Variants in SEC24A observed in about 807,000 individuals in gnomAD.
The protein encoded by SEC24A is protein transport protein Sec24A.
SEC24A carries 93 observed loss-of-function variants against 129.4 expected under a neutral mutation model. The observed-to-expected ratio is 0.72, with a 90% CI of 0.61 to 0.85. The LOEUF (loss-of-function observed/expected upper bound fraction) is 0.85, where lower values mean the gene tolerates loss of function less well. Ranked by LOEUF, SEC24A falls within the 40% of genes least tolerant of loss-of-function variation. The pLI, the probability that SEC24A is intolerant of heterozygous loss-of-function variation, is 0.00. For synonymous variants in SEC24A, 460 were observed against 467.3 expected (o/e 0.98, Z 0.20); for missense variants, 1,264 against 1,307.4 (o/e 0.97, Z 0.51).
intron 6 of SEC24A, 133 bp from the exon 7 acceptor site, chr5:134,675,890 T>C: frequency 1.8e-6 from 1 of 570,728 alleles, no homozygotes; most frequent in Non-Finnish European, 2.9e-6. Flanking sequence ...GGGATAAAAT[T>C]TTGAGACTCT....
chr5:134,697,359 A>T, intron 14 of SEC24A, 113 bp downstream of exon 14: 1 of 834,228 alleles, frequency 1.2e-6, no homozygotes, highest in Non-Finnish European at 1.9e-6. Context: ...CCCTTGGGAA[A>T]GTTAATCAGT....
intron 2 of SEC24A, among the ~76,000 whole-genome samples, chr5:134,664,792 CTT>C (rs70976552): frequency 1.2e-5 from 1 of 86,204 alleles, no homozygotes; most frequent in East Asian, 3.7e-4. Context: ...TTTTCTTTTT[CTT>C]TTTTTTTTTT....
chr5:134,656,545 G>C (rs1430517963), intron 1 of SEC24A, among the ~76,000 whole-genome samples: 1 of 151,944 alleles, frequency 6.6e-6, no homozygotes, highest in Non-Finnish European at 1.5e-5. Flanking sequence ...GCAGTGGCAC[G>C]ATATCCGCTC....
rs764678540 is a variant in SEC24A at position 134,693,919 on chromosome 5, A to C, written c.1972A>C (p.Arg658=). The part of the protein sequence containing the change: ...ALKPREEPNH[R]SSAKDIHMTP... ...GAAACCACGAGAGGAACCAAACCACAGGTCATCTGCTAAGGTTAGAGAGTC... is the reference window on the plus strand; with the variant it reads ...GAAACCACGAGAGGAACCAAACCACCGGTCATCTGCTAAGGTTAGAGAGTC... Residue 658 remains arginine, a synonymous_variant, in exon 13 of 23, where the codon AGG becomes CGG. Coordinates refer to ENST00000398844, the MANE Select transcript of SEC24A (RefSeq NM_021982.3). The C allele has an allele frequency of 6.2e-7, 1 of 1,613,880 alleles. No individual in the cohort carries two copies. The highest frequency in any genetic ancestry group is 1.1e-5 in the South Asian group (1 of 91,070).
At chr5:134,709,163 A>G (rs975590989) in intron 18 of SEC24A, among the ~76,000 whole-genome samples, 4 of 152,256 alleles carry the variant, frequency 2.6e-5, no homozygotes, top group Admixed American at 2.0e-4. Flanking sequence ...GTGAGCCCAT[A>G]TCGTGCCACT....
intron 18 of SEC24A, among the ~76,000 whole-genome samples, chr5:134,709,726 C>T (rs1473811184): frequency 2.6e-5 from 4 of 152,106 alleles, no homozygotes; most frequent in African/African-American, 9.7e-5. Flanking sequence ...TAAATCATTC[C>T]ACATTGTATA....
At chr5:134,702,623 G>T (rs568484963) in intron 15 of SEC24A, among the ~76,000 whole-genome samples, 1 of 152,058 alleles carries the variant, frequency 6.6e-6, no homozygotes, top group Non-Finnish European at 1.5e-5. Context: ...GTGACATATT[G>T]TATGTATTTT....
intron 1 of SEC24A, among the ~76,000 whole-genome samples, chr5:134,650,329 C>T (rs1040915908): frequency 3.3e-5 from 5 of 152,142 alleles, no homozygotes; most frequent in African/African-American, 1.2e-4. Flanking sequence ...AAAAATGTTA[C>T]ATGGCTATGG....
At chr5:134,676,686 C>G (rs1178707602) in intron 7 of SEC24A, among the ~76,000 whole-genome samples, 1 of 151,970 alleles carries the variant, frequency 6.6e-6, no homozygotes, top group Non-Finnish European at 1.5e-5. Context: ...AGTGATCTGC[C>G]CACCTCCCAA....
At position 134,649,031 on chromosome 5, in the gene SEC24A, T is replaced by G. The variant is rs777955693; in HGVS notation, c.-46T>G. ...AGCAGTGGTCTTTCAGCTCTCTTCT[T>G]GTGCGCTGTTGTCGACCCCGACCAG... is the stretch of plus-strand genomic sequence containing the variant. On this transcript the variant is annotated 5_prime_UTR_variant, in exon 1 of 23. Coordinates refer to ENST00000398844, the MANE Select transcript of SEC24A (RefSeq NM_021982.3). The G allele has an allele frequency of 1.4e-6, 2 of 1,399,454 alleles. No individual in the cohort carries two copies. The highest frequency in any genetic ancestry group is 2.0e-6 in the Non-Finnish European group (2 of 1,000,094). The allele number at this position is 1,399,454 out of a possible 1,614,324, so 86.7% of individuals were successfully genotyped here.
chr5:134,693,517 TAAGGCCC>T (rs1160641118), intron 12 of SEC24A: 1 of 1,422,976 alleles, frequency 7.0e-7, no homozygotes, highest in African/African-American at 1.4e-5. Context: ...GCAAGAACTG[TAAGGCCC>T]AACTTTGATT....
rs182040046 is a variant in SEC24A at position 134,656,165 on chromosome 5, C to T, written c.98-4954C>T. Among the ~76,000 whole-genome samples the T allele has an allele frequency of 7.6e-3, 1,156 of 151,358 alleles. 13 individuals are homozygous for T. Among genetic ancestry groups the T allele is most frequent in the African/African-American group, 0.027 (1,098 of 41,200 alleles). On this transcript the variant is annotated intron_variant, in intron 1 of 22. Coordinates refer to ENST00000398844, the MANE Select transcript of SEC24A (RefSeq NM_021982.3). ...TGGCACGATCTTGGCTCACTGCAAC[C>T]TTTGCCTCCTGGGTTCAAGCGATTC...
chr5:134,720,970 C>T (rs761432892), intron 20 of SEC24A, 28 bp from the exon 21 acceptor site: 3 of 1,337,174 alleles, frequency 2.2e-6, no homozygotes, highest in South Asian at 2.4e-5. Context: ...TATGCTGCAT[C>T]TCAAAATAAT....
At chr5:134,697,060 T>C in intron 13 of SEC24A, 66 bp from the exon 14 acceptor site, 1 of 900,060 alleles carries the variant, frequency 1.1e-6, no homozygotes, top group Non-Finnish European at 1.7e-6. Context: ...TATGTAGATG[T>C]GTATTTAGAT....
At chr5:134,666,481 CG>C (rs1411124463) in intron 2 of SEC24A, among the ~76,000 whole-genome samples, 1 of 151,860 alleles carries the variant, frequency 6.6e-6, no homozygotes, top group Non-Finnish European at 1.5e-5. Context: ...CTCTTGAACC[CG>C]GGAGGTGGAG....
intron 1 of SEC24A, among the ~76,000 whole-genome samples, chr5:134,650,894 C>T (rs546139430): frequency 1.8e-4 from 27 of 151,948 alleles, no homozygotes; most frequent in Non-Finnish European, 3.7e-4. Flanking sequence ...CCTGCCTCAG[C>T]CTCTGAAGTA....
chr5:134,725,339 C>T lies in SEC24A; in HGVS notation c.*245C>T. On this transcript the variant is annotated 3_prime_UTR_variant, in exon 23 of 23. Coordinates refer to ENST00000398844, the MANE Select transcript of SEC24A (RefSeq NM_021982.3). ...GTATGATTGGATACTTTTTTCTTGCCAATTATGTTTGAGTTGTTATGGATT... is the reference window on the plus strand; with the variant it reads ...GTATGATTGGATACTTTTTTCTTGCTAATTATGTTTGAGTTGTTATGGATT... The T allele has an allele frequency of 3.3e-6, 1 of 304,120 alleles. No homozygotes were observed. The highest frequency in any genetic ancestry group is 6.0e-6 in the Non-Finnish European group (1 of 167,114). The allele number at this position is 304,120 out of a possible 1,614,324, so 18.8% of individuals were successfully genotyped here. A position where few individuals can be genotyped will look rare whatever the true frequency, so the allele number is the denominator to read the frequency against.
intron 21 of SEC24A, among the ~76,000 whole-genome samples, chr5:134,722,507 G>A (rs571312567): frequency 5.3e-5 from 8 of 152,100 alleles, no homozygotes; most frequent in Non-Finnish European, 1.0e-4. Flanking sequence ...CAGGCGAATC[G>A]CTTGAATCTG....
chr5:134,708,611 A>G, intron 17 of SEC24A, 102 bp from the exon 18 acceptor site: 5 of 1,032,212 alleles, frequency 4.8e-6, no homozygotes, highest in Non-Finnish European at 7.0e-6. Context: ...AATTGGAGAG[A>G]TACTTGGTAT....
Sources: gnomAD v4.1 joint callset for allele counts (sites outside exome capture counted in the v4.1 genomes callset) on GRCh38, gnomAD v4.1.1 for gene constraint, MANE v1.5 for transcripts, NCBI Gene and HGNC (gene_info 2026-07-23, HGNC 2026-07-21) for gene names.